The following JMJD1C variants were observed in gnomAD, a reference collection of about 807,000 sequenced individuals.
JMJD1C encodes the protein jumonji domain containing 1C.
Under a neutral mutation model 245.3 loss-of-function variants are expected in JMJD1C, and 31 were observed. That is an observed-to-expected ratio of 0.13 (90% CI 0.09 to 0.17). The LOEUF (loss-of-function observed/expected upper bound fraction) is 0.17, where lower values mean the gene tolerates loss of function less well. JMJD1C is among the 10% of genes least tolerant of loss of function. JMJD1C has a pLI of 1.00. For missense variants in JMJD1C, 2,691 were observed against 3,000.2 expected (o/e 0.90, Z 2.41); for synonymous variants, 1,057 against 1,017.4 (o/e 1.04, Z -0.74).
At position 63,207,289 on chromosome 10, in the gene JMJD1C, A is replaced by G. The variant is rs142996119; in HGVS notation, c.4380T>C (p.Ser1460=). 1.4e-4 allele frequency: 230 copies of G among 1,613,808 alleles called. No individual in the cohort carries two copies. The highest frequency in any genetic ancestry group is 1.1e-4 in the Non-Finnish European group (129 of 1,180,032). ...VSTTAPVTLA[S]SKTGSVVQPS... ...GTTGAACAACACTTCCTGTCTTACTACTGGCTAATGTAACTGGTGCTGTGG... is the reference window on the plus strand; with the variant it reads ...GTTGAACAACACTTCCTGTCTTACTGCTGGCTAATGTAACTGGTGCTGTGG... Residue 1460 remains serine (S), a synonymous_variant, in exon 10 of 26, where the codon AGT becomes AGC. Transcript: ENST00000399262.
At chr10:63,515,320 A>G (rs1310722797) in intron 1 of JMJD1C, among the ~76,000 whole-genome samples, 1 of 152,112 alleles carries the variant, frequency 6.6e-6, no homozygotes, top group African/African-American at 2.4e-5. Flanking sequence ...AGAACAGAAT[A>G]CCTTGGTGTA....
rs992362180 is a variant in JMJD1C, at chr10:63,208,173, G to A, written c.3496C>T (p.His1166Tyr). Residue 1166 changes from histidine to tyrosine, a missense_variant, in exon 10 of 26, where the codon CAT (histidine) becomes TAT (tyrosine). By Grantham distance (83) the His-to-Tyr change is moderately conservative (BLOSUM62 2). Around this residue, in one of 9 missense-constraint regions of JMJD1C, gnomAD observed 1,562 missense variants for 1,490.7 expected, o/e 1.05. Transcript: ENST00000399262. ...SEGLVGKIPEHLPHQIASHSV... is the reference protein window; with the variant it reads ...SEGLVGKIPEYLPHQIASHSV... ...TGAGATGCAATCTGATGTGGAAGATGTTCTGGTATCTTGCCTACTAAACCT... is the reference window on the plus strand; with the variant it reads ...TGAGATGCAATCTGATGTGGAAGATATTCTGGTATCTTGCCTACTAAACCT... The A allele has an allele frequency of 1.2e-6, 2 of 1,613,830 alleles. No individual in the cohort carries two copies. The highest frequency in any genetic ancestry group is 1.7e-6 in the Non-Finnish European group (2 of 1,180,016).
At chr10:63,398,994 C>A (rs1422986236) in intron 1 of JMJD1C, among the ~76,000 whole-genome samples, 1 of 142,552 alleles carries the variant, frequency 7.0e-6, no homozygotes, top group Non-Finnish European at 1.6e-5. Context: ...CCTTTCGCTT[C>A]TTGGAGGTTG....
intron 1 of JMJD1C, among the ~76,000 whole-genome samples, chr10:63,413,598 G>A (rs908700346): frequency 1.3e-5 from 2 of 152,116 alleles, no homozygotes; most frequent in African/African-American, 4.8e-5. Flanking sequence ...TATGCTGCCA[G>A]GTAACTTTTC....
intron 1 of JMJD1C, among the ~76,000 whole-genome samples, chr10:63,420,139 A>G (rs2132731031): frequency 6.6e-6 from 1 of 151,928 alleles, no homozygotes; most frequent in South Asian, 2.1e-4. Context: ...TGTCTCAAAA[A>G]AAAAAAAATC....
At chr10:63,323,542 C>T (rs139161076) in intron 2 of JMJD1C, among the ~76,000 whole-genome samples, 2 of 152,154 alleles carry the variant, frequency 1.3e-5, no homozygotes, top group African/African-American at 4.8e-5. Context: ...GGGAAAGAAA[C>T]AGCACTGGTA....
chr10:63,193,931 G>T (rs2133019348), intron 14 of JMJD1C, among the ~76,000 whole-genome samples: 1 of 152,314 alleles, frequency 6.6e-6, no homozygotes, highest in South Asian at 2.1e-4. Context: ...CTCCCAAAAT[G>T]CTGGGATTAC....
chr10:63,347,440 C>T (rs1358723745), intron 2 of JMJD1C, among the ~76,000 whole-genome samples: 4 of 151,460 alleles, frequency 2.6e-5, no homozygotes, highest in African/African-American at 9.7e-5. Context: ...AAAAAATTAG[C>T]CAGGCATGGT....
intron 1 of JMJD1C, among the ~76,000 whole-genome samples, chr10:63,496,511 TA>T (rs1022496806): frequency 3.9e-5 from 6 of 152,222 alleles, no homozygotes; most frequent in Non-Finnish European, 5.9e-5. Context: ...GGTTTATTTC[TA>T]AATATTTGCA....
intron 1 of JMJD1C, among the ~76,000 whole-genome samples, chr10:63,434,753 T>G (rs1485123123): frequency 6.6e-6 from 1 of 152,132 alleles, no homozygotes; most frequent in Admixed American, 6.5e-5. Context: ...ACCAAGCCTA[T>G]GTGCTTTTAA....
intron 1 of JMJD1C, among the ~76,000 whole-genome samples, chr10:63,389,408 G>A (rs1301185734): frequency 6.7e-6 from 1 of 149,938 alleles, no homozygotes; most frequent in Non-Finnish European, 1.5e-5. Flanking sequence ...TAGCATTAGG[G>A]AGATCATCTA....
intron 1 of JMJD1C, among the ~76,000 whole-genome samples, chr10:63,510,326 T>C (rs1363261954): frequency 6.6e-6 from 1 of 152,232 alleles, no homozygotes; most frequent in African/African-American, 2.4e-5. Context: ...TCATCTTTTC[T>C]AATAAATGCA....
At chr10:63,194,499 A>G (rs571544117) in intron 13 of JMJD1C, 124 bp from the exon 14 acceptor site, 2 of 593,526 alleles carry the variant, frequency 3.4e-6, no homozygotes, top group South Asian at 4.6e-5. Flanking sequence ...AAAGAGAAAA[A>G]GAAAAAAATA....
chr10:63,401,834 C>T (rs1948875748), intron 1 of JMJD1C, among the ~76,000 whole-genome samples: 2 of 152,016 alleles, frequency 1.3e-5, no homozygotes, highest in Admixed American at 6.6e-5. Flanking sequence ...AGAATTAATA[C>T]CCTAATAAAA....
chr10:63,215,199 A>G (rs568296187), intron 7 of JMJD1C, 48 bp from the exon 8 acceptor site: 1 of 1,518,322 alleles, frequency 6.6e-7, no homozygotes, highest in South Asian at 1.2e-5. Context: ...CTAAATAAGC[A>G]TATTTTAAAA....
At chr10:63,247,719 CAAAAAAAAAAA>C (rs71025135) in intron 3 of JMJD1C, among the ~76,000 whole-genome samples, 2 of 105,504 alleles carry the variant, frequency 1.9e-5, no homozygotes, top group Non-Finnish European at 3.6e-5. Flanking sequence ...GTGACAGAGC[CAAAAAAAAAAA>C]AAAAAAAAGA....
intron 2 of JMJD1C, among the ~76,000 whole-genome samples, chr10:63,279,958 T>C (rs896336407): frequency 1.3e-5 from 2 of 151,640 alleles, no homozygotes; most frequent in African/African-American, 4.8e-5. Flanking sequence ...AAGACCAGCC[T>C]GGCCAACATG....
intron 2 of JMJD1C, among the ~76,000 whole-genome samples, chr10:63,305,233 TG>T (rs2134010663): frequency 6.6e-6 from 1 of 151,930 alleles, no homozygotes; most frequent in East Asian, 1.9e-4. Context: ...CTGGGTGTGG[TG>T]GCACGCGCCT....
At chr10:63,404,801 T>C (rs1322769866) in intron 1 of JMJD1C, among the ~76,000 whole-genome samples, 1 of 152,102 alleles carries the variant, frequency 6.6e-6, no homozygotes. Context: ...CTTATAAATA[T>C]GTAACAAAAA....
Sources: allele counts gnomAD v4.1 joint callset (sites outside exome capture counted in the v4.1 genomes callset), GRCh38; gene constraint gnomAD v4.1.1; regional missense constraint gnomAD v4.1.1; transcripts MANE v1.5; gene names NCBI Gene and HGNC (gene_info 2026-07-23, HGNC 2026-07-21).